The following BDP1 variants were observed in gnomAD, a reference collection of about 807,000 sequenced individuals.
BDP1 encodes the protein transcription factor TFIIIB component B'' homolog.
In BDP1, 169 loss-of-function variants were observed where a neutral mutation model predicts 266.6. That is an observed-to-expected ratio of 0.63 (90% CI 0.56 to 0.72). BDP1 has a LOEUF of 0.72. Ranked by LOEUF, BDP1 falls within the 30% of genes least tolerant of loss-of-function variation. The probability of loss-of-function intolerance (pLI) is 0.00; values close to 1 mark genes in which losing one functional copy is unlikely to be tolerated. For synonymous variants in BDP1, 1,090 were observed against 1,022.4 expected (o/e 1.07, Z -1.26); for missense variants, 3,015 against 3,053.8 (o/e 0.99, Z 0.30).
rs1044760037 is a variant in BDP1 at position 71,463,006 on chromosome 5, A to G, written c.600-1052A>G. Among the ~76,000 whole-genome samples, 15 of 152,168 alleles carry G rather than the reference A, an allele frequency of 9.9e-5. 1 individual carries two copies. The highest frequency in any genetic ancestry group is 3.6e-4 in the African/African-American group (15 of 41,540). On this transcript the variant is annotated intron_variant, in intron 3 of 38. Coordinates refer to ENST00000358731, the MANE Select transcript of BDP1 (RefSeq NM_018429.3). ...AAATTACCTGGGCATTGTGGCGCACAGGAGGCTGAGGTGGGAGGATCACTT... is the reference window on the plus strand; with the variant it reads ...AAATTACCTGGGCATTGTGGCGCACGGGAGGCTGAGGTGGGAGGATCACTT...
At chr5:71,491,323 C>T (rs1295057666) in intron 11 of BDP1, among the ~76,000 whole-genome samples, 192 bp downstream of exon 11, 1 of 151,890 alleles carries the variant, frequency 6.6e-6, no homozygotes, top group East Asian at 1.9e-4. Flanking sequence ...GTGAAATTCC[C>T]TTTATCATTA....
intron 8 of BDP1, among the ~76,000 whole-genome samples, chr5:71,485,327 A>G (rs566334308): frequency 2.0e-5 from 3 of 150,724 alleles, no homozygotes; most frequent in African/African-American, 7.3e-5. Flanking sequence ...TCTATTGGAA[A>G]TTTTTTTTTT....
At chr5:71,519,801 G>T (rs1440520709) in intron 22 of BDP1, among the ~76,000 whole-genome samples, 1 of 152,160 alleles carries the variant, frequency 6.6e-6, no homozygotes. Flanking sequence ...CTTTGATACA[G>T]TGATTTCCTT....
In BDP1 at chr5:71,534,139, C is replaced by G. The variant is rs556042707; in HGVS notation, c.5892+1712C>G. Among the ~76,000 whole-genome samples the G allele has an allele frequency of 9.6e-4, 146 of 152,268 alleles. 2 individuals carry two copies. The highest frequency in any genetic ancestry group is 2.9e-3 in the African/African-American group (121 of 41,556). On this transcript the variant is annotated intron_variant, in intron 26 of 38. Coordinates refer to ENST00000358731, the MANE Select transcript of BDP1 (RefSeq NM_018429.3). ...GTTTTTTCATTTGTTGCTCATGCTT[C>G]TGTTGTCAGATCTGAGTCCTTTGTC... is the stretch of plus-strand genomic sequence containing the variant.
In BDP1 at chr5:71,491,028, A is replaced by G. The variant is rs762466327; in HGVS notation, c.1537A>G (p.Ser513Gly). ...IRPELKEGEC[S>G]KEQMLSCTQN... ...GCCTGAGCTAAAGGAAGGTGAATGC[A>G]GTAAGGAGCAGATGCTTTCCTGCAC... The change falls in exon 11 of 39, where the codon AGT (serine) becomes GGT (glycine). Residue 513 changes from serine (S) to glycine (G), a missense_variant. Coordinates refer to ENST00000358731, the MANE Select transcript of BDP1 (RefSeq NM_018429.3). 2 of 1,613,846 alleles carry G rather than the reference A, an allele frequency of 1.2e-6. No individual in the cohort carries two copies. The highest frequency in any genetic ancestry group is 1.7e-6 in the Non-Finnish European group (2 of 1,179,828).
intron 26 of BDP1, chr5:71,537,905 C>T (rs1766732257): frequency 6.5e-6 from 1 of 153,446 alleles, no homozygotes; most frequent in Non-Finnish European, 1.5e-5. Flanking sequence ...AGAGCCTTCT[C>T]AAAGCTGGGC....
intron 25 of BDP1, among the ~76,000 whole-genome samples, chr5:71,526,081 G>T (rs1484576359): frequency 6.6e-6 from 1 of 152,208 alleles, no homozygotes; most frequent in Non-Finnish European, 1.5e-5. Context: ...GGGGGGCCAA[G>T]GCAGGCAGCT....
At chr5:71,556,071 T>C (rs1300512838) in intron 35 of BDP1, among the ~76,000 whole-genome samples, 3 of 152,148 alleles carry the variant, frequency 2.0e-5, no homozygotes, top group Non-Finnish European at 4.4e-5. Flanking sequence ...TTCATATAAA[T>C]CTTACACATT....
Position 71,455,923 on chromosome 5 carries a change from G to C in BDP1, c.46G>C (p.Gly16Arg), listed in dbSNP as rs764587830. Reference sequence around the variant, plus strand: ...TAGCGTGAAGCCGAATGTCAGGCCTGGTGTAGGCGCCAGGGGCTCCACAGC... The same window carrying C: ...TAGCGTGAAGCCGAATGTCAGGCCTCGTGTAGGCGCCAGGGGCTCCACAGC... The part of the protein sequence containing the change: ...RLSVKPNVRP[G>R]VGARGSTASN... The change falls in exon 1 of 39, where the codon GGT becomes CGT. Residue 16 changes from glycine to arginine, a missense_variant. By Grantham distance (125) the Gly-to-Arg change is moderately radical (BLOSUM62 -2). Transcript: ENST00000358731. The C allele has an allele frequency of 2.9e-5, 47 of 1,609,936 alleles. No homozygotes were observed. The highest frequency in any genetic ancestry group is 2.8e-5 in the Non-Finnish European group (33 of 1,178,466).
chr5:71,497,028 T>G (rs1359306304), intron 12 of BDP1, among the ~76,000 whole-genome samples: 1 of 152,234 alleles, frequency 6.6e-6, no homozygotes, highest in Non-Finnish European at 1.5e-5. Flanking sequence ...TTTTCTGGAT[T>G]TTAAATTTGT....
At chr5:71,491,217 T>C (rs1441299308) in intron 11 of BDP1, 86 bp downstream of exon 11, 1 of 1,305,868 alleles carries the variant, frequency 7.7e-7, no homozygotes, top group Admixed American at 2.2e-5. Flanking sequence ...AACTGTGGAT[T>C]TGCCTGTTTC....
rs34331239 is a variant in BDP1, at chr5:71,522,502, CAA to C, written c.5193+27_5193+28del. 14,239 of 1,390,216 alleles carry C rather than the reference CAA, an allele frequency of 0.01. No individual in the cohort carries two copies. Among genetic ancestry groups the C allele is most frequent in the Admixed American group, 0.029 (1,164 of 40,194 alleles). The allele number at this position is 1,390,216 out of a possible 1,614,324, so 86.1% of individuals were successfully genotyped here. On this transcript the variant is annotated intron_variant, in intron 23 of 38. Transcript: ENST00000358731. ...AGCTCCTTCTAAAAGTAAGTTTGGGCAAAAAAAAAAAAAAAATTTTTTTTCTC... is the reference window on the plus strand; with the variant it reads ...AGCTCCTTCTAAAAGTAAGTTTGGGCAAAAAAAAAAAAAATTTTTTTTCTC...
intron 11 of BDP1, among the ~76,000 whole-genome samples, chr5:71,493,107 C>CT (rs1300510870): frequency 1.3e-5 from 2 of 152,182 alleles, no homozygotes; most frequent in African/African-American, 4.8e-5. Context: ...CTCTATGACT[C>CT]TGTCTAATCT....
In BDP1 at chr5:71,463,463, TCA is replaced by T. The variant is rs559242688; in HGVS notation, c.600-593_600-592del. On this transcript the variant is annotated intron_variant, in intron 3 of 38. Transcript: ENST00000358731. The stretch of plus-strand genomic sequence containing the variant: ...TTAACATCCAGGAGTTGGAGACAAG[TCA>T]CCTAAGTAAGCTGCTTCATGCCTTG... Among the ~76,000 whole-genome samples the T allele has an allele frequency of 2.1e-3, 327 of 152,252 alleles. 2 individuals are homozygous for T. The highest frequency in any genetic ancestry group is 7.6e-3 in the African/African-American group (314 of 41,558).
At chr5:71,552,155 G>T in intron 34 of BDP1, among the ~76,000 whole-genome samples, 1 of 78,584 alleles carries the variant, frequency 1.3e-5, no homozygotes, top group Non-Finnish European at 3.0e-5. Context: ...GGGCAGCCGG[G>T]CAGAGACGCT....
At chr5:71,484,581 A>G (rs144877481) in intron 8 of BDP1, among the ~76,000 whole-genome samples, 5 of 152,268 alleles carry the variant, frequency 3.3e-5, no homozygotes, top group African/African-American at 1.2e-4. Flanking sequence ...GATATCTTGC[A>G]ATTTCTAACT....
At chr5:71,506,566 C>T (rs1764586769) in intron 16 of BDP1, among the ~76,000 whole-genome samples, 1 of 151,864 alleles carries the variant, frequency 6.6e-6, no homozygotes, top group South Asian at 2.1e-4. Context: ...CACTTGAGGC[C>T]AGGAACTCAA....
intron 26 of BDP1, among the ~76,000 whole-genome samples, chr5:71,532,925 C>T (rs1766344072): frequency 6.6e-6 from 1 of 152,212 alleles, no homozygotes; most frequent in African/African-American, 2.4e-5. Context: ...TTAGCAGTCA[C>T]TACTCCTTTC....
rs192193829 is a variant in BDP1, at chr5:71,558,646, C to T, written c.7241-1336C>T. 1.6e-3 allele frequency among the ~76,000 whole-genome samples: 238 copies of T among 151,142 alleles called. 4 individuals are homozygous for T. Among genetic ancestry groups the T allele is most frequent in the Non-Finnish European group, 2.4e-3 (162 of 67,816 alleles). On this transcript the variant is annotated intron_variant, in intron 36 of 38. Transcript: ENST00000358731. The stretch of plus-strand genomic sequence containing the variant: ...TTCGAGACCAGCCTGGCCAACATGG[C>T]GAAGCCTCATCTCTACTAAAAATAC...
Sources: gnomAD v4.1 joint callset for allele counts (sites outside exome capture counted in the v4.1 genomes callset) on GRCh38, gnomAD v4.1.1 for gene constraint, MANE v1.5 for transcripts, NCBI Gene and HGNC (gene_info 2026-07-23, HGNC 2026-07-21) for gene names.